Variants in COL23A1 observed in about 807,000 individuals in gnomAD.
The protein encoded by COL23A1 is collagen alpha-1(XXIII) chain.
A neutral mutation model predicts 99.3 loss-of-function variants in COL23A1; 97 were observed. The observed-to-expected ratio is 0.98, with a 90% CI of 0.83 to 1.16. COL23A1 has a LOEUF of 1.16. Among genes scored for constraint, COL23A1 ranks in the 50% most tolerant of loss-of-function variants. The pLI, the probability that COL23A1 is intolerant of heterozygous loss-of-function variation, is 0.00. For synonymous variants in COL23A1, 320 were observed against 308.2 expected (o/e 1.04, Z -0.40); for missense variants, 762 against 757.4 (o/e 1.01, Z -0.07).
At chr5:178,385,517 C>T (rs1220633103) in intron 2 of COL23A1, among the ~76,000 whole-genome samples, 2 of 152,180 alleles carry the variant, frequency 1.3e-5, no homozygotes, top group East Asian at 3.9e-4. Context: ...GGAGCCTGGC[C>T]GGTCTCCTCC....
At chr5:178,399,379 C>T (rs1764316246) in intron 2 of COL23A1, among the ~76,000 whole-genome samples, 1 of 152,254 alleles carries the variant, frequency 6.6e-6, no homozygotes, top group African/African-American at 2.4e-5. Context: ...CACTCACTAG[C>T]TGCTGGATCC....
intron 25 of COL23A1, 97 bp from the exon 26 acceptor site, chr5:178,242,491 C>T (rs1764460099): frequency 8.1e-7 from 1 of 1,233,412 alleles, no homozygotes; most frequent in Admixed American, 1.8e-5. Context: ...CACACGCCCA[C>T]TTTCCCCCCT....
Position 178,249,105 on chromosome 5 carries a change from C to A in COL23A1, c.1149+12G>T, listed in dbSNP as rs1404754354. ...CAGGAGGCGTAATGTGTGGCCCAAC[C>A]CAGCCACATACCGGGAGGCCGGACA... On this transcript the variant is annotated intron_variant, in intron 19 of 28. Coordinates refer to ENST00000390654, the MANE Select transcript of COL23A1 (RefSeq NM_173465.4). 1.2e-6 allele frequency: 2 copies of A among 1,613,142 alleles called. No homozygotes were observed. Among genetic ancestry groups the A allele is most frequent in the Non-Finnish European group, 1.7e-6 (2 of 1,179,166 alleles).
At position 178,384,083 on chromosome 5, in the gene COL23A1, C is replaced by T. The variant is rs572925454; in HGVS notation, c.362-77164G>A. Among the ~76,000 whole-genome samples the T allele has an allele frequency of 1.3e-5, 2 of 152,264 alleles. No homozygotes were observed. Among genetic ancestry groups the T allele is most frequent in the South Asian group, 4.2e-4 (2 of 4,816 alleles). ...CATCTCCTGCCACGGCCAGGCAGGT[C>T]CCACCTCTCTGCAAAGACCCCTCTT... On this transcript the variant is annotated intron_variant, in intron 2 of 28. Coordinates refer to ENST00000390654, the MANE Select transcript of COL23A1 (RefSeq NM_173465.4). The surrounding 1 kb of genome is among the most constrained non-coding windows in gnomAD (Gnocchi z 5.5).
At chr5:178,323,308 T>C (rs1759450817) in intron 2 of COL23A1, among the ~76,000 whole-genome samples, 2 of 152,104 alleles carry the variant, frequency 1.3e-5, no homozygotes, top group Admixed American at 1.3e-4. Flanking sequence ...CAGACCCATT[T>C]CATTGCCCAC....
At chr5:178,547,802 CACACACCCCCACACCCACCCACCT>C (rs1462621234) in intron 2 of COL23A1, among the ~76,000 whole-genome samples, 10 of 20,252 alleles carry the variant, frequency 4.9e-4, no homozygotes, top group Non-Finnish European at 7.3e-4. Flanking sequence ...CACACACTGA[CACACACCCCCACACCCACCCACCT>C]ACACACCCCC....
chr5:178,358,369 CGTGT>C lies in COL23A1; in HGVS notation c.362-51454_362-51451del, dbSNP rs573559782. Among the ~76,000 whole-genome samples the C allele has an allele frequency of 1.6e-3, 205 of 128,064 alleles. 2 individuals are homozygous for C. The highest frequency in any genetic ancestry group is 6.8e-3 in the Middle Eastern group (1 of 148). The allele number at this position is 128,064 out of a possible 152,430, so 84.0% of individuals were successfully genotyped here. On this transcript the variant is annotated intron_variant, in intron 2 of 28. Coordinates refer to ENST00000390654, the MANE Select transcript of COL23A1 (RefSeq NM_173465.4). Reference sequence around the variant, plus strand: ...TGTATTGTGTGTATGTGTATGTGTACGTGTGTATGTCTAATGTGTGTATGTGTAT... The same window carrying C: ...TGTATTGTGTGTATGTGTATGTGTACGTATGTCTAATGTGTGTATGTGTAT...
At chr5:178,372,075 T>C (rs915958775) in intron 2 of COL23A1, among the ~76,000 whole-genome samples, 10 of 152,228 alleles carry the variant, frequency 6.6e-5, no homozygotes, top group African/African-American at 2.4e-4. Flanking sequence ...CGGGAACTCA[T>C]AGCCCAGAGT....
rs1562025478 is a variant in COL23A1, at chr5:178,498,229, T to TATAC, written c.361+62452_361+62453insGTAT. On this transcript the variant is annotated intron_variant, in intron 2 of 28. Transcript: ENST00000390654. ...AAATATATATATATATATATATATATATATATATATATATATATATATATA... is the reference window on the plus strand; with the variant it reads ...AAATATATATATATATATATATATATATACATATATATATATATATATATATATA... 1.2e-3 allele frequency among the ~76,000 whole-genome samples: 77 copies of TATAC among 65,100 alleles called. 1 individual carries two copies. Among genetic ancestry groups the TATAC allele is most frequent in the Non-Finnish European group, 2.3e-3 (73 of 32,420 alleles). The allele number at this position is 65,100 out of a possible 152,430, so 42.7% of individuals were successfully genotyped here.
intron 2 of COL23A1, among the ~76,000 whole-genome samples, chr5:178,403,245 A>T (rs1258518223): frequency 3.9e-5 from 6 of 152,150 alleles, no homozygotes; most frequent in South Asian, 2.1e-4. Context: ...TTTAATCCTT[A>T]CATTAGCCCC....
chr5:178,312,299 T>C (rs1219248095), intron 2 of COL23A1, among the ~76,000 whole-genome samples: 1 of 152,194 alleles, frequency 6.6e-6, no homozygotes, highest in Non-Finnish European at 1.5e-5. Flanking sequence ...GTGCCAGGTC[T>C]AGCACAGGCC....
At chr5:178,277,793 C>G (rs1235162327) in intron 5 of COL23A1, among the ~76,000 whole-genome samples, 1 of 152,120 alleles carries the variant, frequency 6.6e-6, no homozygotes, top group African/African-American at 2.4e-5. Flanking sequence ...AAAATACCTG[C>G]TGAAATGACA....
At chr5:178,272,231 T>C (rs1195703327) in intron 5 of COL23A1, among the ~76,000 whole-genome samples, 2 of 152,350 alleles carry the variant, frequency 1.3e-5, no homozygotes, top group South Asian at 2.1e-4. Flanking sequence ...CCTCTGGTTC[T>C]GGACACAGCT....
intron 2 of COL23A1, among the ~76,000 whole-genome samples, chr5:178,357,457 C>T (rs769442460): frequency 7.2e-5 from 11 of 152,212 alleles, no homozygotes; most frequent in Non-Finnish European, 1.3e-4. Context: ...CTGGGAACAG[C>T]ACACTGGGGA....
chr5:178,245,835 C>G lies in COL23A1; in HGVS notation c.1440+107G>C. The G allele has an allele frequency of 5.3e-6, 7 of 1,333,054 alleles. No homozygotes were observed. In the South Asian group the frequency reaches 7.4e-5, roughly 14 times the overall value. 82.6% of individuals were successfully genotyped at this position (1,333,054 alleles called of 1,614,324 possible). ...GGAACCAGTCAGTTGCAGTCCCAGC[C>G]CTGGGGAAAGGGGTCACACTTGAGT... On this transcript the variant is annotated intron_variant, in intron 25 of 28. Transcript: ENST00000390654.
chr5:178,459,912 C>T (rs10053433), intron 2 of COL23A1, among the ~76,000 whole-genome samples: 68,017 of 152,062 alleles, frequency 0.45, 16,184 homozygotes, highest in Admixed American at 0.58. Context: ...TATACGCACA[C>T]ATACAATTTT....
intron 16 of COL23A1, among the ~76,000 whole-genome samples, chr5:178,252,828 C>A (rs1412945809): frequency 6.6e-6 from 1 of 152,220 alleles, no homozygotes; most frequent in Non-Finnish European, 1.5e-5. Context: ...TGACAAGACA[C>A]CAGTGTCTGC....
At chr5:178,540,980 TTTTTTA>T (rs1761254331) in intron 2 of COL23A1, among the ~76,000 whole-genome samples, 1 of 152,242 alleles carries the variant, frequency 6.6e-6, no homozygotes, top group African/African-American at 2.4e-5. Flanking sequence ...GCTGTTTATC[TTTTTTA>T]TTTTTAAGGG....
intron 2 of COL23A1, among the ~76,000 whole-genome samples, chr5:178,488,929 C>T (rs1476716484): frequency 1.3e-5 from 2 of 152,230 alleles, no homozygotes. Flanking sequence ...GGTGCAAACA[C>T]ACCAGCTCTC....
Sources: allele counts gnomAD v4.1 joint callset (sites outside exome capture counted in the v4.1 genomes callset), GRCh38; gene constraint gnomAD v4.1.1; non-coding constraint Gnocchi (gnomAD v3.1); transcripts MANE v1.5; gene names NCBI Gene and HGNC (gene_info 2026-07-23, HGNC 2026-07-21).